Variants in ASIC2 observed in about 807,000 individuals in gnomAD.
ASIC2 encodes acid sensing ion channel subunit 2, also known as acid-sensing ion channel 2.
In ASIC2, 25 loss-of-function variants were observed where a neutral mutation model predicts 57.3. That is an observed-to-expected ratio of 0.44 (90% CI 0.32 to 0.61). The LOEUF (loss-of-function observed/expected upper bound fraction) is 0.61, where lower values mean the gene tolerates loss of function less well. Among genes scored for constraint, ASIC2 ranks in the 20% least tolerant of loss-of-function variants. The pLI, the probability that ASIC2 is intolerant of heterozygous loss-of-function variation, is 0.06. For missense variants in ASIC2, 641 were observed against 738.1 expected (o/e 0.87, Z 1.52); for synonymous variants, 319 against 307.5 (o/e 1.04, Z -0.39).
intron 1 of ASIC2, among the ~76,000 whole-genome samples, chr17:33,230,766 T>C (rs1217290254): frequency 3.9e-5 from 6 of 152,002 alleles, no homozygotes; most frequent in Non-Finnish European, 5.9e-5. Context: ...GCAAAGCCCA[T>C]GAGAAGATGA....
chr17:33,081,201 T>C (rs1393185156), intron 3 of ASIC2, among the ~76,000 whole-genome samples: 1 of 152,256 alleles, frequency 6.6e-6, no homozygotes, highest in Non-Finnish European at 1.5e-5. Flanking sequence ...CATCCTCTGC[T>C]GTCAAGTCCA....
chr17:33,910,098 A>T (rs1258195517), intron 1 of ASIC2, among the ~76,000 whole-genome samples: 1 of 152,212 alleles, frequency 6.6e-6, no homozygotes, highest in Non-Finnish European at 1.5e-5. Context: ...GCATGTAGCA[A>T]GAGCCCAGGA....
chr17:33,226,197 CTTGTTATTGGT>C (rs940522080), intron 1 of ASIC2, among the ~76,000 whole-genome samples: 8 of 152,108 alleles, frequency 5.3e-5, no homozygotes, highest in Non-Finnish European at 8.8e-5. Context: ...TGGTTTGTTA[CTTGTTATTGGT>C]TTGTTATTGG....
chr17:33,286,625 T>C (rs1240069516), intron 1 of ASIC2, among the ~76,000 whole-genome samples: 2 of 152,208 alleles, frequency 1.3e-5, no homozygotes, highest in African/African-American at 4.8e-5. Flanking sequence ...ACTCCTGTCC[T>C]CTCACCCTGA....
intron 1 of ASIC2, among the ~76,000 whole-genome samples, chr17:33,552,379 C>A (rs1915778072): frequency 6.6e-6 from 1 of 152,222 alleles, no homozygotes; most frequent in African/African-American, 2.4e-5. Flanking sequence ...AGAATCAATA[C>A]AATCTTCCCT....
intron 1 of ASIC2, among the ~76,000 whole-genome samples, chr17:33,610,526 C>CT (rs199570675): frequency 3.3e-5 from 5 of 151,790 alleles, no homozygotes; most frequent in Non-Finnish European, 5.9e-5. Flanking sequence ...TATTATTTTT[C>CT]TTTTTTTGGA....
chr17:33,591,080 A>G (rs1192138635), intron 1 of ASIC2, among the ~76,000 whole-genome samples: 1 of 152,106 alleles, frequency 6.6e-6, no homozygotes, highest in African/African-American at 2.4e-5. Flanking sequence ...GTTTTCTGTT[A>G]TATTCTGCTG....
chr17:33,163,326 C>A (rs1905213927), intron 1 of ASIC2, among the ~76,000 whole-genome samples: 1 of 152,080 alleles, frequency 6.6e-6, no homozygotes, highest in South Asian at 2.1e-4. Context: ...TCACTTCCTG[C>A]AGAGTGACTC....
At chr17:33,631,638 C>A (rs2142027334) in intron 1 of ASIC2, among the ~76,000 whole-genome samples, 1 of 152,092 alleles carries the variant, frequency 6.6e-6, no homozygotes, top group Middle Eastern at 3.4e-3. Flanking sequence ...ACAGAGAGGA[C>A]AAAGACAGAA....
chr17:33,913,503 A>G (rs1388584429), intron 1 of ASIC2, among the ~76,000 whole-genome samples: 1 of 152,190 alleles, frequency 6.6e-6, no homozygotes, highest in Non-Finnish European at 1.5e-5. Context: ...CCTCCCCTTT[A>G]GCCCATGCCA....
chr17:34,103,768 CAT>C (rs911373998), intron 1 of ASIC2, among the ~76,000 whole-genome samples: 8 of 152,084 alleles, frequency 5.3e-5, no homozygotes, highest in African/African-American at 4.8e-5. Flanking sequence ...TCACCATAAA[CAT>C]GTGTATCTAT....
chr17:33,113,261 G>A (rs897925023), intron 1 of ASIC2, among the ~76,000 whole-genome samples: 1 of 152,170 alleles, frequency 6.6e-6, no homozygotes, highest in Non-Finnish European at 1.5e-5. Context: ...TATAAAATGG[G>A]GGTTCTGGTC....
At chr17:33,502,549 C>T (rs952208001) in intron 1 of ASIC2, among the ~76,000 whole-genome samples, 2 of 152,240 alleles carry the variant, frequency 1.3e-5, no homozygotes, top group African/African-American at 4.8e-5. Flanking sequence ...TCCATCTGTG[C>T]TTCCAGGAGA....
At chr17:33,810,018 C>T (rs866553833) in intron 1 of ASIC2, among the ~76,000 whole-genome samples, 8 of 152,136 alleles carry the variant, frequency 5.3e-5, no homozygotes, top group South Asian at 2.1e-4. Flanking sequence ...TAAGAAGAAA[C>T]TTTAGATTTA....
At chr17:33,240,246 C>A (rs898667575) in intron 1 of ASIC2, among the ~76,000 whole-genome samples, 4 of 152,198 alleles carry the variant, frequency 2.6e-5, no homozygotes, top group Admixed American at 2.6e-4. Flanking sequence ...TCACAAAACA[C>A]TGCCTCCCCT....
intron 1 of ASIC2, among the ~76,000 whole-genome samples, chr17:33,846,763 C>A (rs1015893340): frequency 1.3e-5 from 2 of 149,934 alleles, no homozygotes; most frequent in Non-Finnish European, 3.0e-5. Context: ...CTTGCTCTGT[C>A]GCCCAGGCTG....
rs76791138 is a variant in ASIC2, at chr17:33,466,446, C to T, written c.556-354379G>A. Among the ~76,000 whole-genome samples, 95 of 152,184 alleles carry T rather than the reference C, an allele frequency of 6.2e-4. 2 individuals are homozygous for T. Among genetic ancestry groups the T allele is most frequent in the African/African-American group, 1.8e-3 (74 of 41,516 alleles). On this transcript the variant is annotated intron_variant, in intron 1 of 9. Transcript: ENST00000359872. Reference sequence around the variant, plus strand: ...TAATTTATAGATTCGATGCCATCCCCGTCAAGCCACCAATGACTTTCTCCA... The same window carrying T: ...TAATTTATAGATTCGATGCCATCCCTGTCAAGCCACCAATGACTTTCTCCA...
At chr17:33,968,867 C>G (rs1012641925) in intron 1 of ASIC2, among the ~76,000 whole-genome samples, 1 of 152,254 alleles carries the variant, frequency 6.6e-6, no homozygotes, top group African/African-American at 2.4e-5. Context: ...GCCTGCCCCA[C>G]AGGATGCCAA....
intron 1 of ASIC2, among the ~76,000 whole-genome samples, chr17:33,562,851 G>A (rs1196220992): frequency 6.6e-6 from 1 of 152,194 alleles, no homozygotes; most frequent in East Asian, 1.9e-4. Context: ...CTGATGACAT[G>A]TGGATCCCAC....
Sources: allele counts gnomAD v4.1 joint callset (sites outside exome capture counted in the v4.1 genomes callset), GRCh38; gene constraint gnomAD v4.1.1; transcripts MANE v1.5; gene names NCBI Gene and HGNC (gene_info 2026-07-23, HGNC 2026-07-21).